Variants in CCDC7 observed in about 807,000 individuals in gnomAD.
CCDC7 encodes the protein coiled-coil domain-containing protein 7.
CCDC7 carries 183 observed loss-of-function variants against 196.9 expected under a neutral mutation model. The observed-to-expected ratio is 0.93, with a 90% CI of 0.82 to 1.05. The LOEUF (loss-of-function observed/expected upper bound fraction) is 1.05. Ranked by LOEUF, CCDC7 falls within the 50% of genes least tolerant of loss-of-function variation. The pLI, the probability that CCDC7 is intolerant of heterozygous loss-of-function variation, is 0.00. For missense variants in CCDC7, 1,540 were observed against 1,482.2 expected (o/e 1.04, Z -0.64); for synonymous variants, 525 against 484.6 (o/e 1.08, Z -1.10).
intron 10 of CCDC7, 88 bp downstream of exon 11, chr10:32,518,063 T>A (rs76503644): frequency 0.044 from 61,637 of 1,415,544 alleles, 1,457 homozygotes; most frequent in Middle Eastern, 0.047. Context: ...TAATCCTATA[T>A]AAAGATCCAA....
chr10:32,577,553 C>T (rs1199129244), intron 16 of CCDC7, among the ~76,000 whole-genome samples: 2 of 152,128 alleles, frequency 1.3e-5, no homozygotes, highest in Non-Finnish European at 2.9e-5. Context: ...ATCTCAACAA[C>T]TCACCATCAT....
In CCDC7 at chr10:32,464,980, T is replaced by A. The variant is rs114994967; in HGVS notation, c.510+1931T>A. Among the ~76,000 whole-genome samples the A allele has an allele frequency of 8.6e-3, 1,307 of 152,308 alleles. 28 individuals carry two copies. The highest frequency in any genetic ancestry group is 0.029 in the African/African-American group (1,206 of 41,568). On this transcript the variant is annotated intron_variant, in intron 5 of 41. Coordinates refer to ENST00000639629, the Ensembl canonical transcript of CCDC7. ...CTTTATTAGCCTGTTTTTAAAAAAA[T>A]TATTTTGTATGCAAATTTACTCATA...
chr10:32,845,539 A>G lies in CCDC7; in HGVS notation c.3437-4A>G, dbSNP rs2136171237. 1.2e-6 allele frequency: 2 copies of G among 1,600,022 alleles called. No homozygotes were observed. Among genetic ancestry groups the G allele is most frequent in the East Asian group, 2.2e-5 (1 of 44,712 alleles). On this transcript the variant is annotated splice_polypyrimidine_tract_variant and splice_region_variant and intron_variant, in intron 34 of 41. Coordinates refer to ENST00000639629, the Ensembl canonical transcript of CCDC7. ...ATATACTGAAATCTGTTTTATTTCT[A>G]TAGAGACTGATAAGAACTTCTTTGC...
At chr10:32,747,587 G>A (rs780399772) in intron 28 of CCDC7, among the ~76,000 whole-genome samples, 1 of 151,896 alleles carries the variant, frequency 6.6e-6, no homozygotes, top group Non-Finnish European at 1.5e-5. Context: ...ACATACATGC[G>A]GCCAACAAGC....
chr10:32,853,820 T>G (rs1042208417), intron 40 of CCDC7, among the ~76,000 whole-genome samples: 3 of 152,192 alleles, frequency 2.0e-5, no homozygotes, highest in Non-Finnish European at 2.9e-5. Context: ...TTTACTGTCC[T>G]GCAAAAAGGC....
At chr10:32,606,967 C>T (rs1262689202) in intron 18 of CCDC7, among the ~76,000 whole-genome samples, 3 of 152,130 alleles carry the variant, frequency 2.0e-5, no homozygotes, top group Admixed American at 6.6e-5. Context: ...ATATCTGTTC[C>T]ACGCAAACAT....
At chr10:32,501,535 G>C (rs1293077908) in intron 9 of CCDC7, among the ~76,000 whole-genome samples, 1 of 152,104 alleles carries the variant, frequency 6.6e-6, no homozygotes, top group African/African-American at 2.4e-5. Context: ...CATTTGGTCT[G>C]TGAGGTTGGT....
intron 31 of CCDC7, among the ~76,000 whole-genome samples, chr10:32,820,863 C>G (rs1034988465): frequency 6.6e-6 from 1 of 152,102 alleles, no homozygotes; most frequent in Non-Finnish European, 1.5e-5. Context: ...CATAAAAACC[C>G]TAGAAGAAAA....
At chr10:32,882,282 T>A (rs1217696619) in intron 22 of CCDC7, among the ~76,000 whole-genome samples, 1 of 152,120 alleles carries the variant, frequency 6.6e-6, no homozygotes, top group Non-Finnish European at 1.5e-5. Context: ...CTAACAAGAT[T>A]CTTCTTAGAG....
chr10:32,621,045 T>C (rs1359123738), intron 18 of CCDC7, among the ~76,000 whole-genome samples: 2 of 152,176 alleles, frequency 1.3e-5, no homozygotes, highest in Non-Finnish European at 2.9e-5. Flanking sequence ...AATAATGTGT[T>C]TTAGTTTTCC....
chr10:32,679,166 A>T (rs912099923), intron 21 of CCDC7, among the ~76,000 whole-genome samples: 1 of 152,146 alleles, frequency 6.6e-6, no homozygotes, highest in Non-Finnish European at 1.5e-5. Context: ...AGACTATTTC[A>T]CAAGCATGGG....
At chr10:32,461,190 A>G (rs2035546303) in intron 3 of CCDC7, among the ~76,000 whole-genome samples, 1 of 152,150 alleles carries the variant, frequency 6.6e-6, no homozygotes, top group Non-Finnish European at 1.5e-5. Flanking sequence ...GGAGTTACAT[A>G]CTGATAAACC....
At chr10:32,478,815 CAT>C in intron 8 of CCDC7, among the ~76,000 whole-genome samples, 1 of 152,138 alleles carries the variant, frequency 6.6e-6, no homozygotes. Context: ...ATACTGGCCT[CAT>C]AGAATGAGTC....
intron 16 of CCDC7, among the ~76,000 whole-genome samples, chr10:32,572,537 T>C (rs564628141): frequency 1.6e-4 from 24 of 152,294 alleles, no homozygotes; most frequent in Middle Eastern, 6.8e-3. Flanking sequence ...AGTGTAATGA[T>C]TAATGGCCAG....
intron 32 of CCDC7, among the ~76,000 whole-genome samples, chr10:32,829,055 T>C (rs2091815433): frequency 6.6e-6 from 1 of 152,184 alleles, no homozygotes; most frequent in Non-Finnish European, 1.5e-5. Flanking sequence ...ACTTGGGTGA[T>C]TGACCCGGAC....
intron 13 of CCDC7, among the ~76,000 whole-genome samples, chr10:32,563,618 TC>T (rs1391186732): frequency 1.3e-5 from 2 of 152,170 alleles, no homozygotes; most frequent in Admixed American, 1.3e-4. Context: ...TGAAACTGGA[TC>T]CCTTCCTTAC....
In CCDC7 at chr10:32,726,836, A is replaced by C; in HGVS notation, c.2668+4A>C. The C allele has an allele frequency of 6.6e-7, 1 of 1,518,780 alleles. No homozygotes were observed. Among genetic ancestry groups the C allele is most frequent in the Non-Finnish European group, 9.0e-7 (1 of 1,108,364 alleles). 94.1% of individuals were successfully genotyped at this position (1,518,780 alleles called of 1,614,324 possible). On this transcript the variant is annotated splice_donor_region_variant and intron_variant, in intron 26 of 41. Coordinates refer to ENST00000639629, the Ensembl canonical transcript of CCDC7. ...CCTGGAAGGGAAAGGCGTAATAGTA[A>C]GTGTAGTAATTATAGATGACTTTAA... is the stretch of plus-strand genomic sequence containing the variant.
intron 20 of CCDC7, among the ~76,000 whole-genome samples, chr10:32,645,931 A>C (rs897421774): frequency 6.6e-6 from 1 of 151,580 alleles, no homozygotes; most frequent in African/African-American, 2.4e-5. Context: ...CCTCACTTTT[A>C]TTTTTAGTCT....
intron 28 of CCDC7, among the ~76,000 whole-genome samples, chr10:32,731,724 A>G (rs1048260872): frequency 2.0e-5 from 3 of 152,130 alleles, no homozygotes; most frequent in Non-Finnish European, 4.4e-5. Flanking sequence ...ATTGTGTGAC[A>G]TTTATTTAAG....
Sources: gnomAD v4.1 joint callset for allele counts (sites outside exome capture counted in the v4.1 genomes callset) on GRCh38, gnomAD v4.1.1 for gene constraint, MANE v1.5 for transcripts, NCBI Gene and HGNC (gene_info 2026-07-23, HGNC 2026-07-21) for gene names.